The following ROBO2 variants were observed in gnomAD, a reference collection of about 807,000 sequenced individuals.
ROBO2 encodes the protein roundabout homolog 2.
In ROBO2, 53 loss-of-function variants were observed where a neutral mutation model predicts 160.8. That is an observed-to-expected ratio of 0.33 (90% CI 0.26 to 0.41). The LOEUF is 0.41. ROBO2 is among the 10% of genes least tolerant of loss of function. ROBO2 has a pLI of 1.00. For synonymous variants in ROBO2, 664 were observed against 611.7 expected, an observed-to-expected ratio of 1.09 and a Z score of -1.26; for missense variants, 1,577 against 1,722.4, an observed-to-expected ratio of 0.92 and a Z score of 1.49.
In ROBO2 at chr3:76,032,467, C is replaced by T. The variant is rs568918342; in HGVS notation, c.109+94865C>T. ...TGATGTTAGGGTGTCAATTTTAGAT[C>T]TGTCCTGCTTTCTCTTGTGGGCATT... On this transcript the variant is annotated intron_variant, in intron 2 of 26. Coordinates refer to the ROBO2 transcript ENST00000487694. Among the ~76,000 whole-genome samples, 5 of 152,272 alleles carry T rather than the reference C, an allele frequency of 3.3e-5. No homozygotes were observed. In the South Asian group the frequency reaches 1.0e-3, roughly 32 times the overall value.
intron 7 of ROBO2, among the ~76,000 whole-genome samples, chr3:77,548,118 A>T (rs2092773060): frequency 6.6e-6 from 1 of 151,340 alleles, no homozygotes; most frequent in African/African-American, 2.4e-5. Context: ...ACACACATAA[A>T]CACACACCAC....
chr3:77,509,456 C>T (rs759618769), intron 5 of ROBO2, among the ~76,000 whole-genome samples: 1 of 151,946 alleles, frequency 6.6e-6, no homozygotes. Flanking sequence ...ATATCTACCT[C>T]GAACTAGAGG....
chr3:77,315,467 C>G (rs1217940733), intron 2 of ROBO2, among the ~76,000 whole-genome samples: 2 of 152,148 alleles, frequency 1.3e-5, no homozygotes, highest in African/African-American at 4.8e-5. Context: ...ATTCCTTTGT[C>G]TCTCCTTAAC....
chr3:77,538,952 T>C (rs1171224227), intron 6 of ROBO2: 4 of 446,276 alleles, frequency 9.0e-6, no homozygotes, highest in South Asian at 3.2e-5. Flanking sequence ...GCTTGCTCTG[T>C]CGCCCAGGCT....
At chr3:77,489,706 T>C (rs2085827522) in intron 4 of ROBO2, among the ~76,000 whole-genome samples, 1 of 152,234 alleles carries the variant, frequency 6.6e-6, no homozygotes, top group South Asian at 2.1e-4. Flanking sequence ...AAAATATAAG[T>C]ATTTTAATGG....
chr3:77,424,654 C>CT (rs560723175), intron 2 of ROBO2, among the ~76,000 whole-genome samples: 150 of 151,964 alleles, frequency 9.9e-4, no homozygotes, highest in Middle Eastern at 3.4e-3. Context: ...AGGTTCTTTT[C>CT]TTTTTTTTGT....
At chr3:76,952,167 G>A (rs547422508) in intron 2 of ROBO2, among the ~76,000 whole-genome samples, 8 of 152,324 alleles carry the variant, frequency 5.3e-5, no homozygotes, top group Admixed American at 5.2e-4. Context: ...TTCTGACTAT[G>A]TCTGCTAATA....
chr3:76,891,118 A>G (rs576809454), intron 2 of ROBO2, among the ~76,000 whole-genome samples: 7 of 152,210 alleles, frequency 4.6e-5, no homozygotes, highest in African/African-American at 1.7e-4. Flanking sequence ...AATTTAATTT[A>G]TGTAGTTCTT....
At chr3:77,645,822 CAGG>C (rs1309969372) in intron 25 of ROBO2, among the ~76,000 whole-genome samples, 1 of 152,062 alleles carries the variant, frequency 6.6e-6, no homozygotes, top group Non-Finnish European at 1.5e-5. Flanking sequence ...GACAGACTCA[CAGG>C]AGTACCAAAA....
At chr3:76,703,405 G>A (rs557557560) in intron 2 of ROBO2, among the ~76,000 whole-genome samples, 15 of 152,166 alleles carry the variant, frequency 9.9e-5, no homozygotes, top group African/African-American at 3.4e-4. Flanking sequence ...TGGGACACAT[G>A]TGCAGAACGT....
chr3:76,821,815 A>T (rs1391214551), intron 2 of ROBO2, among the ~76,000 whole-genome samples: 2 of 152,000 alleles, frequency 1.3e-5, no homozygotes, highest in African/African-American at 4.8e-5. Flanking sequence ...TAAAAAACTG[A>T]CTATAAATTG....
intron 1 of ROBO2, among the ~76,000 whole-genome samples, chr3:77,091,769 AG>A (rs1174047669): frequency 6.6e-6 from 1 of 152,046 alleles, no homozygotes; most frequent in Non-Finnish European, 1.5e-5. Flanking sequence ...GCTTGAGGCC[AG>A]GGGTTCGAGA....
chr3:77,191,092 T>C (rs1486719875), intron 2 of ROBO2, among the ~76,000 whole-genome samples: 1 of 152,142 alleles, frequency 6.6e-6, no homozygotes, highest in Non-Finnish European at 1.5e-5. Flanking sequence ...AAATGCTAAA[T>C]AAACACATTA....
At chr3:76,828,097 G>C (rs547643298) in intron 2 of ROBO2, among the ~76,000 whole-genome samples, 1 of 152,262 alleles carries the variant, frequency 6.6e-6, no homozygotes, top group East Asian at 1.9e-4. Flanking sequence ...CATGGTCACA[G>C]ACTATATTTA....
At chr3:76,581,250 G>A (rs943364833) in intron 2 of ROBO2, among the ~76,000 whole-genome samples, 2 of 152,100 alleles carry the variant, frequency 1.3e-5, no homozygotes, top group African/African-American at 4.8e-5. Flanking sequence ...CTTGTGATAG[G>A]TAGAGCTTAG....
At chr3:76,613,599 G>A (rs966390843) in intron 2 of ROBO2, among the ~76,000 whole-genome samples, 3 of 151,728 alleles carry the variant, frequency 2.0e-5, no homozygotes, top group Non-Finnish European at 4.4e-5. Context: ...AGAGAAGACG[G>A]TAATGTTCAT....
chr3:77,640,096 C>CTTTTTTTTTTTTTTTTTTTTTTTT (rs1559785171), intron 24 of ROBO2, among the ~76,000 whole-genome samples: 1 of 97,490 alleles, frequency 1.0e-5, no homozygotes, highest in Non-Finnish European at 2.0e-5. Flanking sequence ...GCAGAGGAAG[C>CTTTTTTTTTTTTTTTTTTTTTTTT]ATTTTTTTTT....
chr3:76,608,930 C>G (rs1055299668), intron 2 of ROBO2, among the ~76,000 whole-genome samples: 1 of 152,148 alleles, frequency 6.6e-6, no homozygotes, highest in African/African-American at 2.4e-5. Context: ...TCCTCCCAAC[C>G]TTTCCCCGAG....
intron 2 of ROBO2, among the ~76,000 whole-genome samples, chr3:76,521,338 C>T (rs1387619373): frequency 1.3e-5 from 2 of 152,004 alleles, no homozygotes; most frequent in Non-Finnish European, 2.9e-5. Flanking sequence ...CATGAGCCAC[C>T]GCGCCTGGCC....
Sources: allele counts gnomAD v4.1 joint callset (sites outside exome capture counted in the v4.1 genomes callset), GRCh38; gene constraint gnomAD v4.1.1; transcripts MANE v1.5; gene names NCBI Gene and HGNC (gene_info 2026-07-23, HGNC 2026-07-21).